CTNNA2: variants seen among roughly 807,000 people sequenced by gnomAD.
The protein encoded by CTNNA2 is catenin alpha-2.
A neutral mutation model predicts 101.0 loss-of-function variants in CTNNA2; 42 were observed. The ratio of observed to expected loss-of-function variants is 0.42; its 90% confidence interval spans 0.32 to 0.54. CTNNA2 has a LOEUF of 0.54. Ranked by LOEUF, CTNNA2 falls within the 20% of genes least tolerant of loss-of-function variation. CTNNA2 has a pLI of 0.14. For missense variants in CTNNA2, 871 were observed against 1,223.1 expected (o/e 0.71, Z 4.29); for synonymous variants, 450 against 456.4 (o/e 0.99, Z 0.18).
chr2:80,096,396 C>G (rs1344329151), intron 7 of CTNNA2, among the ~76,000 whole-genome samples: 2 of 152,140 alleles, frequency 1.3e-5, no homozygotes, highest in African/African-American at 4.8e-5. Flanking sequence ...TGTTCTTTTA[C>G]ATTTGCTGAG....
intron 7 of CTNNA2, among the ~76,000 whole-genome samples, chr2:80,070,274 G>C (rs1306612011): frequency 6.6e-6 from 1 of 152,212 alleles, no homozygotes; most frequent in Non-Finnish European, 1.5e-5. Flanking sequence ...TGCCCAGGAA[G>C]AAATACTACC....
intron 11 of CTNNA2, among the ~76,000 whole-genome samples, chr2:80,549,966 CA>C (rs758494053): frequency 6.6e-6 from 1 of 151,978 alleles, no homozygotes; most frequent in Non-Finnish European, 1.5e-5. Context: ...GAAGTTATTA[CA>C]GGGGGTTCAA....
chr2:79,315,045 A>G (rs1676464243), intron 3 of CTNNA2, among the ~76,000 whole-genome samples: 1 of 152,198 alleles, frequency 6.6e-6, no homozygotes, highest in Non-Finnish European at 1.5e-5. Context: ...TCACTTCCCT[A>G]AGTTACTATT....
chr2:79,233,185 G>A (rs1001175619), intron 2 of CTNNA2, among the ~76,000 whole-genome samples: 4 of 152,002 alleles, frequency 2.6e-5, no homozygotes, highest in Admixed American at 6.6e-5. Context: ...TCTTGATAAA[G>A]GTGTTTAGCA....
intron 7 of CTNNA2, among the ~76,000 whole-genome samples, chr2:80,030,946 A>G (rs1303964328): frequency 6.6e-6 from 1 of 152,240 alleles, no homozygotes; most frequent in African/African-American, 2.4e-5. Flanking sequence ...ACAAAAATTA[A>G]ACAAATTTAT....
At chr2:79,488,368 T>G (rs1048863069) in intron 4 of CTNNA2, among the ~76,000 whole-genome samples, 4 of 150,080 alleles carry the variant, frequency 2.7e-5, no homozygotes, top group African/African-American at 9.8e-5. Context: ...ATGTGTGGCC[T>G]TCTGATGAGT....
chr2:79,478,299 A>T (rs1259361944), intron 4 of CTNNA2, among the ~76,000 whole-genome samples: 1 of 152,134 alleles, frequency 6.6e-6, no homozygotes, highest in African/African-American at 2.4e-5. Context: ...ATTAATTTTT[A>T]TTAGTGGAAT....
intron 7 of CTNNA2, among the ~76,000 whole-genome samples, chr2:80,114,870 A>T (rs1416597265): frequency 6.6e-6 from 1 of 152,162 alleles, no homozygotes; most frequent in Non-Finnish European, 1.5e-5. Flanking sequence ...GTCAGTTCAT[A>T]TCTTCATCTT....
chr2:79,416,398 A>G (rs998349493), intron 4 of CTNNA2, among the ~76,000 whole-genome samples: 1 of 151,144 alleles, frequency 6.6e-6, no homozygotes, highest in Non-Finnish European at 1.5e-5. Context: ...CTAAAGCTTT[A>G]ATCTTTTCCA....
intron 1 of CTNNA2, among the ~76,000 whole-genome samples, chr2:79,565,388 G>C (rs1675047368): frequency 6.6e-6 from 1 of 152,002 alleles, no homozygotes; most frequent in African/African-American, 2.4e-5. Context: ...CGAACTTCCT[G>C]AGGCCCCACC....
intron 4 of CTNNA2, among the ~76,000 whole-genome samples, chr2:79,428,405 C>T (rs116514291): frequency 0.035 from 5,302 of 151,874 alleles, 125 homozygotes; most frequent in Non-Finnish European, 0.051. Context: ...GGAACAAAGA[C>T]GAGAATAAGC....
chr2:80,176,122 T>C (rs753756558), intron 7 of CTNNA2, among the ~76,000 whole-genome samples: 10 of 152,180 alleles, frequency 6.6e-5, no homozygotes, highest in Non-Finnish European at 1.3e-4. Context: ...GTTGACAATA[T>C]TAACCATCAC....
chr2:79,812,521 A>G (rs1286954554), intron 3 of CTNNA2, among the ~76,000 whole-genome samples: 1 of 152,194 alleles, frequency 6.6e-6, no homozygotes, highest in Non-Finnish European at 1.5e-5. Context: ...AATGTAAAAA[A>G]TGGTCCCATA....
intron 7 of CTNNA2, among the ~76,000 whole-genome samples, chr2:80,166,205 C>T (rs1017690716): frequency 6.6e-6 from 1 of 152,058 alleles, no homozygotes; most frequent in Non-Finnish European, 1.5e-5. Flanking sequence ...TTCAACCATA[C>T]CTGAGTTTAG....
chr2:79,621,566 G>GT (rs1182977763), intron 1 of CTNNA2, among the ~76,000 whole-genome samples: 49 of 152,036 alleles, frequency 3.2e-4, no homozygotes, highest in Non-Finnish European at 8.8e-5. Context: ...AATAAACATC[G>GT]TAAGTCCATA....
chr2:80,461,150 T>C (rs1166708828), intron 9 of CTNNA2, among the ~76,000 whole-genome samples: 1 of 152,210 alleles, frequency 6.6e-6, no homozygotes, highest in Non-Finnish European at 1.5e-5. Context: ...CATTTGTGCA[T>C]TTCCTTGTAA....
At chr2:80,592,253 A>T (rs1215097933) in intron 15 of CTNNA2, among the ~76,000 whole-genome samples, 2 of 152,146 alleles carry the variant, frequency 1.3e-5, no homozygotes, top group Non-Finnish European at 2.9e-5. Flanking sequence ...CTTACTTCAC[A>T]TGCTCAGTAC....
intron 4 of CTNNA2, among the ~76,000 whole-genome samples, chr2:79,410,695 G>A (rs1031138591): frequency 1.5e-4 from 22 of 148,944 alleles, no homozygotes; most frequent in South Asian, 4.4e-4. Flanking sequence ...TGCTGGATTC[G>A]GTTTGCCAGT....
At chr2:79,251,944 A>G (rs1426886015) in intron 2 of CTNNA2, among the ~76,000 whole-genome samples, 1 of 152,228 alleles carries the variant, frequency 6.6e-6, no homozygotes, top group Non-Finnish European at 1.5e-5. Context: ...GAAATATGGA[A>G]AATATGATGG....
Sources: gnomAD v4.1 joint callset for allele counts (sites outside exome capture counted in the v4.1 genomes callset) on GRCh38, gnomAD v4.1.1 for gene constraint, MANE v1.5 for transcripts, NCBI Gene and HGNC (gene_info 2026-07-23, HGNC 2026-07-21) for gene names.